Variants in FAXC observed in about 807,000 individuals in gnomAD.
FAXC encodes the protein failed axon connections homolog.
Under a neutral mutation model 41.9 loss-of-function variants are expected in FAXC, and 10 were observed. That is an observed-to-expected ratio of 0.24 (90% CI 0.15 to 0.41). FAXC has a LOEUF of 0.41. Ranked by LOEUF, FAXC falls within the 10% of genes least tolerant of loss-of-function variation. The pLI, the probability that FAXC is intolerant of heterozygous loss-of-function variation, is 1.00. For missense variants in FAXC, 399 were observed against 510.9 expected (o/e 0.78, Z 2.11); for synonymous variants, 183 against 183.8 (o/e 1.00, Z 0.03).
At chr6:99,298,229 C>CTT (rs57836761) in intron 4 of FAXC, among the ~76,000 whole-genome samples, 1 of 142,458 alleles carries the variant, frequency 7.0e-6, no homozygotes, top group African/African-American at 2.6e-5. Context: ...ACCTGGAAGG[C>CTT]TTTTTTTTTT....
At chr6:99,314,730 C>A (rs962600567) in intron 4 of FAXC, among the ~76,000 whole-genome samples, 1 of 152,202 alleles carries the variant, frequency 6.6e-6, no homozygotes, top group African/African-American at 2.4e-5. Flanking sequence ...GCCACCACTG[C>A]CTCATGCCAC....
intron 5 of FAXC, among the ~76,000 whole-genome samples, chr6:99,281,749 C>T (rs982280734): frequency 2.0e-5 from 3 of 152,222 alleles, no homozygotes; most frequent in Admixed American, 6.5e-5. Flanking sequence ...GGCAGGCCCT[C>T]GCCAGATCCT....
chr6:99,324,297 G>A (rs1226340735), intron 3 of FAXC, among the ~76,000 whole-genome samples: 1 of 152,004 alleles, frequency 6.6e-6, no homozygotes, highest in African/African-American at 2.4e-5. Context: ...ATAACTCCTG[G>A]GCTCAAGTGA....
chr6:99,306,621 A>G (rs759288489), intron 4 of FAXC, among the ~76,000 whole-genome samples: 6 of 152,204 alleles, frequency 3.9e-5, no homozygotes, highest in Non-Finnish European at 8.8e-5. Flanking sequence ...CAACTGATAC[A>G]TTTAAGAAAA....
Position 99,323,552 on chromosome 6 carries a change from TCG to T in FAXC, c.713_714del (p.Thr238LysfsTer38). On this transcript the variant is annotated frameshift_variant, in exon 4 of 6. Coordinates refer to ENST00000389677, the MANE Select transcript of FAXC (RefSeq NM_032511.4). LOFTEE classifies it high-confidence loss of function. ...NLLRWVVCHI[T>X]KGIVKREMHG... is the part of the protein sequence containing the mutation. ...TGCATCTCGCGTTTCACAATTCCTT[TCG>T]TTATGTGGCACACAACCCACCTCAG... 1 of 1,614,206 alleles carries T rather than the reference TCG, an allele frequency of 6.2e-7. No individual in the cohort carries two copies. Among genetic ancestry groups the T allele is most frequent in the Non-Finnish European group, 8.5e-7 (1 of 1,180,030 alleles).
chr6:99,316,076 G>A (rs1055543877), intron 4 of FAXC, among the ~76,000 whole-genome samples: 6 of 152,090 alleles, frequency 3.9e-5, no homozygotes, highest in African/African-American at 1.2e-4. Context: ...CAGCCACCTA[G>A]CACCCTGTAC....
chr6:99,313,831 G>A (rs1179337626), intron 4 of FAXC, among the ~76,000 whole-genome samples: 2 of 152,046 alleles, frequency 1.3e-5, no homozygotes, highest in African/African-American at 4.8e-5. Context: ...CACTGATCAC[G>A]GCTGCCTTTA....
At chr6:99,322,069 T>C (rs750582692) in intron 4 of FAXC, among the ~76,000 whole-genome samples, 5 of 152,216 alleles carry the variant, frequency 3.3e-5, no homozygotes, top group Non-Finnish European at 7.3e-5. Context: ...TGAGGCAAAC[T>C]TGAGGTTAAT....
intron 5 of FAXC, among the ~76,000 whole-genome samples, chr6:99,284,979 C>G (rs1046765621): frequency 6.0e-5 from 9 of 150,036 alleles, no homozygotes; most frequent in Non-Finnish European, 1.2e-4. Flanking sequence ...TGCATTTCTT[C>G]AAAGTGTACT....
chr6:99,318,263 AC>A (rs1562171312), intron 4 of FAXC, among the ~76,000 whole-genome samples: 23,293 of 124,402 alleles, frequency 0.19, 2,871 homozygotes, highest in East Asian at 0.24. Flanking sequence ...CGTCTCAAAC[AC>A]ACACACACAC....
At chr6:99,336,366 G>A (rs1475921485) in intron 2 of FAXC, among the ~76,000 whole-genome samples, 2 of 152,086 alleles carry the variant, frequency 1.3e-5, no homozygotes, top group Admixed American at 6.5e-5. Flanking sequence ...CTCCCCAGGT[G>A]CTGGGATTAC....
chr6:99,284,559 CTGTGTG>C (rs74553398), intron 5 of FAXC, among the ~76,000 whole-genome samples: 15,725 of 118,808 alleles, frequency 0.13, 1,024 homozygotes, highest in East Asian at 0.28. Flanking sequence ...TGTGGAGTGT[CTGTGTG>C]TGTGTGTGTG....
At chr6:99,298,898 C>T (rs540680786) in intron 4 of FAXC, among the ~76,000 whole-genome samples, 2 of 152,288 alleles carry the variant, frequency 1.3e-5, no homozygotes, top group South Asian at 2.1e-4. Flanking sequence ...TCCCTTCTCA[C>T]ACTTTCCTAC....
intron 4 of FAXC, among the ~76,000 whole-genome samples, chr6:99,299,983 T>C (rs1771643327): frequency 6.6e-6 from 1 of 152,104 alleles, no homozygotes; most frequent in African/African-American, 2.4e-5. Context: ...CTCTTCAGAT[T>C]TCATTCTAGA....
intron 5 of FAXC, among the ~76,000 whole-genome samples, chr6:99,282,174 A>T (rs1424688696): frequency 2.0e-5 from 3 of 152,202 alleles, no homozygotes; most frequent in East Asian, 1.9e-4. Flanking sequence ...TTATGTTTAC[A>T]TATCAAGAGA....
intron 4 of FAXC, among the ~76,000 whole-genome samples, chr6:99,299,118 T>C (rs912357101): frequency 6.6e-6 from 1 of 152,166 alleles, no homozygotes. Flanking sequence ...CCATTCCTAG[T>C]CTCCACTAAC....
intron 4 of FAXC, among the ~76,000 whole-genome samples, chr6:99,318,902 G>A (rs896231368): frequency 6.6e-6 from 1 of 152,146 alleles, no homozygotes; most frequent in Non-Finnish European, 1.5e-5. Flanking sequence ...TAGCCACGCT[G>A]GTTCCCAAAA....
intron 4 of FAXC, among the ~76,000 whole-genome samples, chr6:99,316,165 C>A (rs533303883): frequency 6.6e-6 from 1 of 151,660 alleles, no homozygotes; most frequent in Non-Finnish European, 1.5e-5. Context: ...TCGCCCCCCC[C>A]CACCCACAAG....
chr6:99,282,078 CCGA>C (rs1246264926), intron 5 of FAXC, among the ~76,000 whole-genome samples: 4 of 152,060 alleles, frequency 2.6e-5, no homozygotes, highest in Non-Finnish European at 5.9e-5. Flanking sequence ...AGAAGTGAGT[CCGA>C]TGATGATGAG....
Sources: allele counts gnomAD v4.1 joint callset (sites outside exome capture counted in the v4.1 genomes callset), GRCh38; gene constraint gnomAD v4.1.1; transcripts MANE v1.5; gene names NCBI Gene and HGNC (gene_info 2026-07-23, HGNC 2026-07-21).